The following EIF4G2 variants were observed in gnomAD, a reference collection of about 807,000 sequenced individuals.
The protein encoded by EIF4G2 is eukaryotic translation initiation factor 4 gamma 2, also known as DAP-5.
A neutral mutation model predicts 117.7 loss-of-function variants in EIF4G2; 8 were observed. The observed-to-expected ratio is 0.07, with a 90% CI of 0.04 to 0.12. The LOEUF (loss-of-function observed/expected upper bound fraction) is 0.12, where lower values mean the gene tolerates loss of function less well. Among genes scored for constraint, EIF4G2 ranks in the 10% least tolerant of loss-of-function variants. The probability of loss-of-function intolerance (pLI) is 1.00; values close to 1 mark genes in which losing one functional copy is unlikely to be tolerated. For synonymous variants in EIF4G2, 413 were observed against 367.8 expected (o/e 1.12, Z -1.41); for missense variants, 812 against 1,086.2 (o/e 0.75, Z 3.55).
chr11:10,808,433 C>T, intron 1 of EIF4G2: 1 of 1,262,452 alleles, frequency 7.9e-7, no homozygotes, highest in Non-Finnish European at 1.0e-6. Context: ...CTCGGTCCGC[C>T]ACGGCCTCGT....
At chr11:10,808,644 C>G in intron 1 of EIF4G2, 61 bp downstream of exon 1, 1 of 365,516 alleles carries the variant, frequency 2.7e-6, no homozygotes, top group South Asian at 3.4e-5. Flanking sequence ...CGAGAAGAAG[C>G]GACCAGGGAC....
At chr11:10,800,858 C>CT (rs763598994) in intron 15 of EIF4G2, 23 bp from the exon 16 acceptor site, 46 of 1,612,086 alleles carry the variant, frequency 2.9e-5, no homozygotes, top group Middle Eastern at 1.6e-4. Flanking sequence ...CAATGACAGA[C>CT]TTTTTTTAAA....
Position 10,803,797 on chromosome 11 carries a change from G to T in EIF4G2, c.702+102C>A. 7.1e-7 allele frequency: 1 copy of T among 1,404,880 alleles called. No individual in the cohort carries two copies. Among genetic ancestry groups the T allele is most frequent in the Non-Finnish European group, 9.7e-7 (1 of 1,031,060 alleles). 87.0% of individuals were successfully genotyped at this position (1,404,880 alleles called of 1,614,324 possible). On this transcript the variant is annotated intron_variant, in intron 8 of 21. Transcript: ENST00000339995. The surrounding 1 kb of genome is among the most constrained non-coding windows in gnomAD (Gnocchi z 4.0). ...ATTATTCTGTTTAGTAAATTTTGTTGCACATCTGTATTTAACTAGTCAACC... is the reference window on the plus strand; with the variant it reads ...ATTATTCTGTTTAGTAAATTTTGTTTCACATCTGTATTTAACTAGTCAACC...
chr11:10,800,939 T>C lies in EIF4G2; in HGVS notation c.1539+23A>G, dbSNP rs766720199. Reference sequence around the variant, plus strand: ...AAAGTCTTCAGATATCTTTAGAAAATGCTGTCCTACTATGGTCTGTACCTG... The same window carrying C: ...AAAGTCTTCAGATATCTTTAGAAAACGCTGTCCTACTATGGTCTGTACCTG... On this transcript the variant is annotated intron_variant, in intron 15 of 21. Coordinates refer to ENST00000339995, the MANE Select transcript of EIF4G2 (RefSeq NM_001418.4). 1.9e-6 allele frequency: 3 copies of C among 1,613,026 alleles called. No homozygotes were observed. In the Admixed American group the frequency reaches 5.0e-5, roughly 27 times the overall value.
chr11:10,797,993 C>A lies in EIF4G2; in HGVS notation c.2659-112G>T. The A allele has an allele frequency of 1.1e-6, 1 of 924,826 alleles. No individual in the cohort carries two copies. Among genetic ancestry groups the A allele is most frequent in the South Asian group, 1.4e-5 (1 of 69,098 alleles). 57.3% of individuals were successfully genotyped at this position (924,826 alleles called of 1,614,324 possible). On this transcript the variant is annotated intron_variant, in intron 21 of 21. Coordinates refer to ENST00000339995, the MANE Select transcript of EIF4G2 (RefSeq NM_001418.4). This position sits in a 1 kb window ranked among gnomAD's most constrained non-coding sequence, Gnocchi z 4.5. The stretch of plus-strand genomic sequence containing the variant: ...AGAATATGAAACAAGGATATCCCTA[C>A]CAACAATTTGTATATTAAGTTAACG...
At position 10,801,101 on chromosome 11, in the gene EIF4G2, CAA is replaced by C; in HGVS notation, c.1414-16_1414-15del. On this transcript the variant is annotated splice_polypyrimidine_tract_variant and intron_variant, in intron 14 of 21. Coordinates refer to ENST00000339995, the MANE Select transcript of EIF4G2 (RefSeq NM_001418.4). ...CCTCAGGCTAATCTGGAATTGAAAA[CAA>C]AATATATCTAAATTAACAACATGCA... The C allele has an allele frequency of 6.2e-7, 1 of 1,613,470 alleles. No individual in the cohort carries two copies. The highest frequency in any genetic ancestry group is 8.5e-7 in the Non-Finnish European group (1 of 1,179,788).
Position 10,803,809 on chromosome 11 carries a change from T to G in EIF4G2, c.702+90A>C. ...AGTAAATTTTGTTGCACATCTGTAT[T>G]TAACTAGTCAACCTCCCTCTTAGAT... On this transcript the variant is annotated intron_variant, in intron 8 of 21. Transcript: ENST00000339995. This position sits in a 1 kb window ranked among gnomAD's most constrained non-coding sequence, Gnocchi z 4.0. 1 of 1,470,800 alleles carries G rather than the reference T, an allele frequency of 6.8e-7. No homozygotes were observed. Among genetic ancestry groups the G allele is most frequent in the Non-Finnish European group, 9.2e-7 (1 of 1,085,908 alleles). The allele number at this position is 1,470,800 out of a possible 1,614,324, so 91.1% of individuals were successfully genotyped here.
In EIF4G2 at chr11:10,803,226, A is replaced by G. The variant is rs1282337944; in HGVS notation, c.882T>C (p.Ile294=). ...CCAGTATTACCTGCAGCAGGAAACG[A>G]ATCCTTGCTGGCAATTCCTTACTTA... Residue 294 remains isoleucine, a synonymous_variant, in exon 10 of 22, where the codon ATT becomes ATC. Coordinates refer to ENST00000339995, the MANE Select transcript of EIF4G2 (RefSeq NM_001418.4). This position sits in a 1 kb window ranked among gnomAD's most constrained non-coding sequence, Gnocchi z 4.0. 1.9e-6 allele frequency: 3 copies of G among 1,613,946 alleles called. No individual in the cohort carries two copies. The highest frequency in any genetic ancestry group is 1.7e-6 in the Non-Finnish European group (2 of 1,179,998).
At position 10,802,138 on chromosome 11, in the gene EIF4G2, T is replaced by G. The variant is rs199962323; in HGVS notation, c.1210A>C (p.Asn404His). The G allele has an allele frequency of 5.8e-5, 87 of 1,487,508 alleles. No individual in the cohort carries two copies. Among genetic ancestry groups the G allele is most frequent in the Admixed American group, 2.2e-4 (11 of 49,790 alleles). 92.1% of individuals were successfully genotyped at this position (1,487,508 alleles called of 1,614,324 possible). ...CCCCCATGGCCATTGAAGAGTTGAT[T>G]TGAACGATGACGTCCCATGGTGGGT... is the stretch of plus-strand genomic sequence containing the variant. The change falls in exon 13 of 22, where the codon AAT (asparagine) becomes CAT (histidine). Residue 404 changes from asparagine to histidine, a missense_variant. By Grantham distance (68) the Asn-to-His change is moderately conservative. Coordinates refer to ENST00000339995, the MANE Select transcript of EIF4G2 (RefSeq NM_001418.4).
chr11:10,798,780 C>A (rs756490727), intron 21 of EIF4G2: 1 of 516,912 alleles, frequency 1.9e-6, no homozygotes, highest in Non-Finnish European at 3.3e-6. Context: ...GAAAAGTTAG[C>A]TACCTCTAAC....
rs1847440133 is a variant in EIF4G2, at chr11:10,802,119, T to A, written c.1229A>T (p.His410Leu). Residue 410 changes from histidine to leucine, a missense_variant, in exon 13 of 22, where the codon CAT (histidine) becomes CTT (leucine). Physicochemically the swap from His to Leu is moderately conservative, Grantham distance 99 (BLOSUM62 -3). Coordinates refer to ENST00000339995, the MANE Select transcript of EIF4G2 (RefSeq NM_001418.4). ...TGTGGGAGGCATGATGTGTCCCCCA[T>A]GGCCATTGAAGAGTTGATTTGAACG... 8 of 1,256,654 alleles carry A rather than the reference T, an allele frequency of 6.4e-6. No individual in the cohort carries two copies. Among genetic ancestry groups the A allele is most frequent in the Non-Finnish European group, 7.1e-6 (7 of 979,290 alleles). The allele number at this position is 1,256,654 out of a possible 1,614,324, so 77.8% of individuals were successfully genotyped here.
intron 2 of EIF4G2, 102 bp from the exon 3 acceptor site, chr11:10,806,987 C>T: frequency 7.1e-7 from 1 of 1,400,796 alleles, no homozygotes; most frequent in East Asian, 2.3e-5. Context: ...AGATGGGGGT[C>T]TCGCTATTTT....
Position 10,797,893 on chromosome 11 carries a change from G to A in EIF4G2, c.2659-12C>T, listed in dbSNP as rs1847302013. 11 of 1,611,914 alleles carry A rather than the reference G, an allele frequency of 6.8e-6. No homozygotes were observed. Among genetic ancestry groups the A allele is most frequent in the Non-Finnish European group, 8.5e-6 (10 of 1,178,994 alleles). On this transcript the variant is annotated splice_polypyrimidine_tract_variant and intron_variant, in intron 21 of 21. Transcript: ENST00000339995. This position sits in a 1 kb window ranked among gnomAD's most constrained non-coding sequence, Gnocchi z 4.5. ...AGCCACTGATTCACCTATAAATTAA[G>A]ATTTGTAAATTAAAATAGTTCATGA...
chr11:10,806,829 G>A lies in EIF4G2; in HGVS notation c.98C>T (p.Ala33Val). 6.2e-7 allele frequency: 1 copy of A among 1,614,126 alleles called. No homozygotes were observed. Among genetic ancestry groups the A allele is most frequent in the Non-Finnish European group, 8.5e-7 (1 of 1,179,972 alleles). ...TACATGTTTACCACACCTGTTGCCA[G>A]CAGTCTTGGGATAGTGCTGAGGTGC... Residue 33 changes from alanine (A) to valine (V), a missense_variant, in exon 3 of 22, where the codon GCT (alanine) becomes GTT (valine). Transcript: ENST00000339995.
rs1371541807 is a variant in EIF4G2, at chr11:10,805,760, G to T, written c.248+147C>A. 1.3e-5 allele frequency: 16 copies of T among 1,249,078 alleles called. No homozygotes were observed. In the Admixed American group the frequency reaches 2.0e-4, roughly 16 times the overall value. The allele number at this position is 1,249,078 out of a possible 1,614,324, so 77.4% of individuals were successfully genotyped here. ...GAGCCACAGTGCCTGGCCAGTTCAA[G>T]ATATTTTTAAAAATTGCTACCATGA... On this transcript the variant is annotated intron_variant, in intron 4 of 21. Coordinates refer to ENST00000339995, the MANE Select transcript of EIF4G2 (RefSeq NM_001418.4).
intron 1 of EIF4G2, chr11:10,808,173 C>T (rs1252443501): frequency 6.3e-6 from 7 of 1,115,942 alleles, no homozygotes; most frequent in Non-Finnish European, 7.7e-6. Context: ...GGACTGACAA[C>T]CGCCTCGCCA....
chr11:10,805,457 A>AT (rs34032776), intron 4 of EIF4G2, among the ~76,000 whole-genome samples: 71,557 of 148,674 alleles, frequency 0.48, 19,173 homozygotes, highest in South Asian at 0.69. Flanking sequence ...TTCAAGATAC[A>AT]TTTTTTTTTT....
At position 10,800,831 on chromosome 11, in the gene EIF4G2, G is replaced by A. The variant is rs1422796775; in HGVS notation, c.1544C>T (p.Pro515Leu). 31 of 1,613,986 alleles carry A rather than the reference G, an allele frequency of 1.9e-5. No individual in the cohort carries two copies. Among genetic ancestry groups the A allele is most frequent in the Non-Finnish European group, 2.5e-5 (30 of 1,179,956 alleles). ...TGGATTAGTTTTGAGACCAAGCTGA[G>A]GTGTCTAAAAAACAAGCAATGACAG... is the stretch of plus-strand genomic sequence containing the variant. The change falls in exon 16 of 22, where the codon CCT becomes CTT. Residue 515 changes from proline to leucine, a missense_variant. Coordinates refer to ENST00000339995, the MANE Select transcript of EIF4G2 (RefSeq NM_001418.4).
At chr11:10,806,308 T>C in intron 3 of EIF4G2, 1 of 511,994 alleles carries the variant, frequency 2.0e-6, no homozygotes, top group Non-Finnish European at 3.5e-6. Context: ...CTAGTAAATA[T>C]TCCCAGTATC....
Sources: gnomAD v4.1 joint callset for allele counts (sites outside exome capture counted in the v4.1 genomes callset) on GRCh38, gnomAD v4.1.1 for gene constraint, Gnocchi (gnomAD v3.1) non-coding constraint, MANE v1.5 for transcripts, NCBI Gene and HGNC (gene_info 2026-07-23, HGNC 2026-07-21) for gene names.